The following ARMC5 variants were observed in gnomAD, a reference collection of about 807,000 sequenced individuals.
ARMC5 encodes armadillo repeat-containing protein 5.
In ARMC5, 28 loss-of-function variants were observed where a neutral mutation model predicts 60.5. The ratio of observed to expected loss-of-function variants is 0.46; its 90% CI spans 0.34 to 0.63. The LOEUF (loss-of-function observed/expected upper bound fraction) is 0.63, where lower values mean the gene tolerates loss of function less well. Among genes scored for constraint, ARMC5 ranks in the 30% least tolerant of loss-of-function variants. The pLI is 0.01. For missense variants in ARMC5, 1,189 were observed against 1,304.9 expected, an observed-to-expected ratio of 0.91 and a Z score of 1.37; for synonymous variants, 680 against 607.3, an observed-to-expected ratio of 1.12 and a Z score of -1.76.
At chr16:31,460,493 CAG>C (rs1335220103) in intron 1 of ARMC5, among the ~76,000 whole-genome samples, 5 of 152,162 alleles carry the variant, frequency 3.3e-5, no homozygotes, top group Non-Finnish European at 7.3e-5. Context: ...CTAAAAAAAT[CAG>C]AGTGGGGAGA....
At chr16:31,463,213 C>G (rs923460780) in intron 3 of ARMC5, among the ~76,000 whole-genome samples, 1 of 152,122 alleles carries the variant, frequency 6.6e-6, no homozygotes, top group East Asian at 1.9e-4. Context: ...GTTCTCCTGC[C>G]TCAGCCTCCC....
In ARMC5 at chr16:31,466,261, A is replaced by C. The variant is rs374128018; in HGVS notation, c.2180A>C (p.Asp727Ala). The C allele has an allele frequency of 6.2e-6, 10 of 1,613,474 alleles. No individual in the cohort carries two copies. Among genetic ancestry groups the C allele is most frequent in the East Asian group, 2.2e-5 (1 of 44,832 alleles). ...SPAVPQAVPM[D>A]LDSPSPCLYE... ...GCTGTCCCACAGGCAGTCCCCATGG[A>C]CCTAGACTCACCTTCCCCTTGCCTC... Residue 727 changes from aspartate to alanine, a missense_variant, in exon 6 of 6, where the codon GAC becomes GCC. Physicochemically the swap from Asp to Ala is moderately radical, Grantham distance 126 (BLOSUM62 -2). This residue lies in a region of ARMC5 where 862 missense variants were observed against 1,071.2 expected (regional missense o/e 0.80). Coordinates refer to ENST00000268314, the MANE Select transcript of ARMC5 (RefSeq NM_001105247.2). The surrounding 1 kb of genome is among the most constrained non-coding windows in gnomAD (Gnocchi z 8.0).
rs935969908 is a variant in ARMC5, at chr16:31,464,991, C to A, written c.1864+104C>A. 1.2e-6 allele frequency: 2 copies of A among 1,610,866 alleles called. No homozygotes were observed. The highest frequency in any genetic ancestry group is 1.7e-5 in the Admixed American group (1 of 59,866). ...CTCACCTTCCCACTCACCTGTCCTCCCCAGCCCGTCCTCCAGACAACCTGT... is the reference window on the plus strand; with the variant it reads ...CTCACCTTCCCACTCACCTGTCCTCACCAGCCCGTCCTCCAGACAACCTGT... On this transcript the variant is annotated intron_variant, in intron 4 of 5. Transcript: ENST00000268314. This position sits in a 1 kb window ranked among gnomAD's most constrained non-coding sequence, Gnocchi z 7.6.
At position 31,462,253 on chromosome 16, in the gene ARMC5, C is replaced by G; in HGVS notation, c.706C>G (p.Gln236Glu). The G allele has an allele frequency of 6.2e-7, 1 of 1,609,968 alleles. No homozygotes were observed. The highest frequency in any genetic ancestry group is 1.1e-5 in the South Asian group (1 of 91,088). The change falls in exon 3 of 6, where the codon CAG (glutamine) becomes GAG (glutamate). Residue 236 changes from glutamine to glutamate, a missense_variant. Gln to Glu is a conservative substitution (Grantham distance 29, BLOSUM62 2). Transcript: ENST00000268314. The surrounding 1 kb of genome is among the most constrained non-coding windows in gnomAD (Gnocchi z 7.2). ...CCAGCACCGCCTGGCCTTGGCACAG[C>G]AGGGAGCAGTGCGTCCGCTGGCCGA... ...SPQHRLALAQ[Q>E]GAVRPLAELL...
intron 3 of ARMC5, among the ~76,000 whole-genome samples, chr16:31,463,839 C>T (rs2082325904): frequency 6.6e-6 from 1 of 152,214 alleles, no homozygotes; most frequent in Non-Finnish European, 1.5e-5. Context: ...TCCAGGGGGA[C>T]AGGCACTTTG....
upstream of ARMC5, chr16:31,459,207 G>A (rs1004503410): frequency 3.3e-6 from 5 of 1,531,444 alleles, no homozygotes; most frequent in African/African-American, 4.1e-5. Flanking sequence ...CTTCTGGGCT[G>A]TTCGGAGGCC....
upstream of ARMC5, chr16:31,459,346 G>A (rs1185085566): frequency 6.5e-7 from 1 of 1,535,768 alleles, no homozygotes; most frequent in Admixed American, 2.0e-5. Flanking sequence ...TTAAGGTACT[G>A]CCGCGCCTCG....
chr16:31,466,570 C>T lies in ARMC5; in HGVS notation c.2489C>T (p.Ser830Leu). 1 of 1,609,068 alleles carries T rather than the reference C, an allele frequency of 6.2e-7. No individual in the cohort carries two copies. The highest frequency in any genetic ancestry group is 8.5e-7 in the Non-Finnish European group (1 of 1,179,252). ...VPPPGQPLLG[S>L]EAEEALEAAG... ...CCACCAGGCCAGCCCCTGCTGGGTT[C>T]AGAGGCCGAGGAGGCACTGGAGGCT... Residue 830 changes from serine to leucine, a missense_variant, in exon 6 of 6, where the codon TCA becomes TTA. By Grantham distance (145) the Ser-to-Leu change is moderately radical. Coordinates refer to ENST00000268314, the MANE Select transcript of ARMC5 (RefSeq NM_001105247.2). The surrounding 1 kb of genome is among the most constrained non-coding windows in gnomAD (Gnocchi z 8.0).
Position 31,464,833 on chromosome 16 carries a change from G to A in ARMC5, c.1810G>A (p.Asp604Asn), listed in dbSNP as rs1178057726. Residue 604 changes from aspartate to asparagine, a missense_variant, in exon 4 of 6, where the codon GAT (aspartate) becomes AAT (asparagine). Asp to Asn is a conservative substitution (Grantham distance 23). Around this residue, in one of 2 missense-constraint regions of ARMC5, gnomAD observed 862 missense variants for 1,071.2 expected, o/e 0.80. Transcript: ENST00000268314. The surrounding 1 kb of genome is among the most constrained non-coding windows in gnomAD (Gnocchi z 7.6). ...GCTGGTGCTGGGGGTGGCGCCTGAC[G>A]ATTGGCCGGCACCACGTGCCCGGCC... ...AWLVLGVAPDDWPAPRARPTL... is the reference protein window; with the variant it reads ...AWLVLGVAPDNWPAPRARPTL... 2 of 1,597,362 alleles carry A rather than the reference G, an allele frequency of 1.3e-6. No homozygotes were observed. Among genetic ancestry groups the A allele is most frequent in the Middle Eastern group, 1.7e-4 (1 of 6,048 alleles).
chr16:31,458,667 G>A (rs1596598181), upstream of ARMC5: 3 of 1,442,948 alleles, frequency 2.1e-6, no homozygotes, highest in East Asian at 7.5e-5. Flanking sequence ...TTTTCCGGGC[G>A]GGCAGCTGCC....
In ARMC5 at chr16:31,466,202, C is replaced by T. The variant is rs2082357104; in HGVS notation, c.2121C>T (p.Cys707=). ...TCTTTGCCGCGGACTCCCTTTCCTG[C>T]CTCCAAGACCTGGTGTCTCCCACTG... ...FLFFAADSLS[C]LQDLVSPTVS... is the part of the protein sequence containing the mutation. The change falls in exon 6 of 6, where the codon TGC becomes TGT. Residue 707 remains cysteine, a synonymous_variant. Transcript: ENST00000268314. This position sits in a 1 kb window ranked among gnomAD's most constrained non-coding sequence, Gnocchi z 8.0. 1 of 1,613,348 alleles carries T rather than the reference C, an allele frequency of 6.2e-7. No homozygotes were observed. Among genetic ancestry groups the T allele is most frequent in the Non-Finnish European group, 8.5e-7 (1 of 1,179,896 alleles).
At chr16:31,458,625 G>A, upstream of ARMC5, 1 of 1,442,508 alleles carries the variant, frequency 6.9e-7, no homozygotes, top group African/African-American at 1.4e-5. Context: ...CTTGGCAAAG[G>A]CTTCTTCCTC....
chr16:31,466,423 G>T lies in ARMC5; in HGVS notation c.2342G>T (p.Ser781Ile). 1 of 1,612,068 alleles carries T rather than the reference G, an allele frequency of 6.2e-7. No homozygotes were observed. The highest frequency in any genetic ancestry group is 8.5e-7 in the Non-Finnish European group (1 of 1,179,836). The stretch of plus-strand genomic sequence containing the variant: ...TTCTTCCGGGCCCTGCTGTCAGGCA[G>T]CTTTGCAGAAGCCCAGATGGACCTG... The part of the protein sequence containing the change: ...SPFFRALLSG[S>I]FAEAQMDLVP... Residue 781 changes from serine to isoleucine, a missense_variant, in exon 6 of 6, where the codon AGC (serine) becomes ATC (isoleucine). Physicochemically the swap from Ser to Ile is moderately radical, Grantham distance 142 (BLOSUM62 -2). Transcript: ENST00000268314. This position sits in a 1 kb window ranked among gnomAD's most constrained non-coding sequence, Gnocchi z 8.0.
intron 1 of ARMC5, among the ~76,000 whole-genome samples, chr16:31,460,808 G>A (rs1596601335): frequency 6.6e-6 from 1 of 152,286 alleles, no homozygotes; most frequent in East Asian, 1.9e-4. Context: ...ATTAAAACCA[G>A]CACAGTAAGA....
rs764324726 is a variant in ARMC5 at position 31,464,671 on chromosome 16, G to A, written c.1648G>A (p.Gly550Ser). The A allele has an allele frequency of 3.1e-6, 5 of 1,598,730 alleles. No individual in the cohort carries two copies. The highest frequency in any genetic ancestry group is 2.2e-5 in the East Asian group (1 of 44,802). ...ACTTGTGACCGGCCCGGCGCTGTACGGCCTGCTGACCTATGTGACCGGCGC... is the reference window on the plus strand; with the variant it reads ...ACTTGTGACCGGCCCGGCGCTGTACAGCCTGCTGACCTATGTGACCGGCGC... Reference protein sequence around the residue: ...GALVTGPALYGLLTYVTGAPG... With the variant: ...GALVTGPALYSLLTYVTGAPG... The change falls in exon 4 of 6, where the codon GGC becomes AGC. Residue 550 changes from glycine (G) to serine (S), a missense_variant. This residue lies in a region of ARMC5 where 862 missense variants were observed against 1,071.2 expected (regional missense o/e 0.80). Transcript: ENST00000268314. The surrounding 1 kb of genome is among the most constrained non-coding windows in gnomAD (Gnocchi z 7.6).
Position 31,464,982 on chromosome 16 carries a change from C to T in ARMC5, c.1864+95C>T, listed in dbSNP as rs770492070. 16 of 1,610,600 alleles carry T rather than the reference C, an allele frequency of 9.9e-6. No homozygotes were observed. The highest frequency in any genetic ancestry group is 5.0e-5 in the Admixed American group (3 of 59,864). ...GCCCAGAACCTCACCTTCCCACTCA[C>T]CTGTCCTCCCCAGCCCGTCCTCCAG... is the stretch of plus-strand genomic sequence containing the variant. On this transcript the variant is annotated intron_variant, in intron 4 of 5. Coordinates refer to ENST00000268314, the MANE Select transcript of ARMC5 (RefSeq NM_001105247.2). This position sits in a 1 kb window ranked among gnomAD's most constrained non-coding sequence, Gnocchi z 7.6.
upstream of ARMC5, chr16:31,458,866 G>C (rs1160005612): frequency 1.9e-5 from 29 of 1,535,472 alleles, no homozygotes; most frequent in East Asian, 7.1e-4. Flanking sequence ...GCCAGCTCCT[G>C]AGCTCACGAG....
rs1316755767 is a variant in ARMC5, at chr16:31,464,055, C to T, written c.1371-339C>T. On this transcript the variant is annotated intron_variant, in intron 3 of 5. Transcript: ENST00000268314. The surrounding 1 kb of genome is among the most constrained non-coding windows in gnomAD (Gnocchi z 7.6). ...CCTGTAATCCTAGCACCTTGGGAGG[C>T]CAAGGCAGGAGGATCGCTTGAGCAC... Among the ~76,000 whole-genome samples the T allele has an allele frequency of 6.6e-6, 1 of 152,104 alleles. No homozygotes were observed. Among genetic ancestry groups the T allele is most frequent in the East Asian group, 1.9e-4 (1 of 5,188 alleles).
upstream of ARMC5, chr16:31,458,667 G>C: frequency 6.9e-7 from 1 of 1,442,948 alleles, no homozygotes; most frequent in Admixed American, 2.4e-5. Flanking sequence ...TTTTCCGGGC[G>C]GGCAGCTGCC....
Sources: allele counts gnomAD v4.1 joint callset (sites outside exome capture counted in the v4.1 genomes callset), GRCh38; gene constraint gnomAD v4.1.1; regional missense constraint gnomAD v4.1.1; non-coding constraint Gnocchi (gnomAD v3.1); transcripts MANE v1.5; gene names NCBI Gene and HGNC (gene_info 2026-07-23, HGNC 2026-07-21).